GMDS: variants seen among roughly 807,000 people sequenced by gnomAD.
The protein encoded by GMDS is GDP-mannose 4,6-dehydratase.
GMDS carries 20 observed loss-of-function variants against 49.9 expected under a neutral mutation model. The observed-to-expected ratio is 0.40, with a 90% CI of 0.28 to 0.58. The LOEUF is 0.58. Ranked by LOEUF, GMDS falls within the 20% of genes least tolerant of loss-of-function variation. The pLI is 0.42. For missense variants in GMDS, 362 were observed against 481.4 expected (o/e 0.75, Z 2.32); for synonymous variants, 177 against 178.6 (o/e 0.99, Z 0.07).
intron 7 of GMDS, among the ~76,000 whole-genome samples, chr6:1,851,595 AGGGGACTGTGTTTGCG>A (rs1172853634): frequency 6.6e-6 from 1 of 152,208 alleles, no homozygotes; most frequent in Admixed American, 6.5e-5. Flanking sequence ...ACATTTAATA[AGGGGACTGTGTTTGCG>A]GGGCTATAAA....
intron 4 of GMDS, among the ~76,000 whole-genome samples, chr6:2,045,029 G>C (rs1403369965): frequency 1.3e-5 from 2 of 152,024 alleles, no homozygotes; most frequent in South Asian, 2.1e-4. Context: ...TGAAGAAAAA[G>C]AGCCTTTCAG....
At position 1,774,937 on chromosome 6, in the gene GMDS, G is replaced by T. The variant is rs6916299; in HGVS notation, c.772-32351C>A. Among the ~76,000 whole-genome samples the T allele has an allele frequency of 8.0e-4, 122 of 152,278 alleles. 1 individual carries two copies. The highest frequency in any genetic ancestry group is 2.8e-3 in the African/African-American group (115 of 41,538). On this transcript the variant is annotated intron_variant, in intron 7 of 10. Coordinates refer to ENST00000380815, the MANE Select transcript of GMDS (RefSeq NM_001500.4). The stretch of plus-strand genomic sequence containing the variant: ...GACTAGCGAGGAATGTCCATTCCAG[G>T]GGGAGTTGAAGGGGATGAGAAATTT...
intron 4 of GMDS, among the ~76,000 whole-genome samples, chr6:1,982,865 A>G (rs1285901349): frequency 6.6e-6 from 1 of 152,242 alleles, no homozygotes; most frequent in Non-Finnish European, 1.5e-5. Context: ...TAATGGAATT[A>G]GAAAAAGACT....
chr6:2,214,885 T>G (rs1209670823), intron 1 of GMDS, among the ~76,000 whole-genome samples: 3 of 152,174 alleles, frequency 2.0e-5, no homozygotes, highest in African/African-American at 7.2e-5. Flanking sequence ...TATCACAACT[T>G]TGCAACTTCT....
At chr6:1,961,556 G>A (rs776432125) in intron 4 of GMDS, among the ~76,000 whole-genome samples, 1 of 152,132 alleles carries the variant, frequency 6.6e-6, no homozygotes, top group South Asian at 2.1e-4. Flanking sequence ...ATTTCTAAGC[G>A]AATGCTGAGG....
At chr6:1,641,906 C>A (rs1043221267) in intron 9 of GMDS, among the ~76,000 whole-genome samples, 1 of 152,156 alleles carries the variant, frequency 6.6e-6, no homozygotes, top group Non-Finnish European at 1.5e-5. Context: ...CCCAACAACT[C>A]GGCACACTTC....
chr6:1,676,333 A>C (rs1156816622), intron 9 of GMDS, among the ~76,000 whole-genome samples: 1 of 152,248 alleles, frequency 6.6e-6, no homozygotes, highest in Non-Finnish European at 1.5e-5. Context: ...GGAAGAATCA[A>C]TATCGTGAAA....
chr6:2,241,974 C>G (rs1781635110), intron 1 of GMDS, among the ~76,000 whole-genome samples: 1 of 152,146 alleles, frequency 6.6e-6, no homozygotes, highest in African/African-American at 2.4e-5. Flanking sequence ...AGTTTTGAAA[C>G]CCCACTAGAT....
intron 7 of GMDS, among the ~76,000 whole-genome samples, chr6:1,852,692 C>T (rs146573795): frequency 3.3e-5 from 5 of 151,594 alleles, no homozygotes; most frequent in South Asian, 2.1e-4. Context: ...GGTGGAAGGA[C>T]GGTGGGACGT....
chr6:1,928,586 A>G (rs1293584277), intron 7 of GMDS, among the ~76,000 whole-genome samples: 1 of 152,198 alleles, frequency 6.6e-6, no homozygotes, highest in Non-Finnish European at 1.5e-5. Context: ...GCGTGAACCT[A>G]TATATTTTTT....
chr6:1,922,166 G>A (rs918875537), intron 7 of GMDS, among the ~76,000 whole-genome samples: 5 of 152,144 alleles, frequency 3.3e-5, no homozygotes, highest in African/African-American at 7.2e-5. Flanking sequence ...TCCTCTGCAC[G>A]TAGTTACACA....
At chr6:1,811,677 C>T (rs1258131780) in intron 7 of GMDS, among the ~76,000 whole-genome samples, 2 of 151,568 alleles carry the variant, frequency 1.3e-5, no homozygotes, top group African/African-American at 2.4e-5. Flanking sequence ...AACCTTCGTG[C>T]CTCACTGAAA....
At chr6:2,195,477 T>C (rs1779236561) in intron 1 of GMDS, among the ~76,000 whole-genome samples, 1 of 152,216 alleles carries the variant, frequency 6.6e-6, no homozygotes, top group African/African-American at 2.4e-5. Context: ...ATATATATTC[T>C]AAAGTAAAGC....
chr6:1,750,547 C>T (rs929508819), intron 7 of GMDS, among the ~76,000 whole-genome samples: 8 of 152,150 alleles, frequency 5.3e-5, no homozygotes, highest in African/African-American at 1.7e-4. Flanking sequence ...CTGTGGATTC[C>T]GGCCCAGATA....
intron 9 of GMDS, among the ~76,000 whole-genome samples, chr6:1,633,630 G>A (rs1471608329): frequency 2.6e-5 from 4 of 152,308 alleles, no homozygotes; most frequent in Middle Eastern, 6.8e-3. Context: ...TGCACGGGCC[G>A]GTCACAGAAA....
chr6:1,940,379 C>A (rs936928982), intron 6 of GMDS, among the ~76,000 whole-genome samples: 1 of 152,200 alleles, frequency 6.6e-6, no homozygotes, highest in Non-Finnish European at 1.5e-5. Flanking sequence ...AGAAATCATT[C>A]CAATTTATCC....
At chr6:2,071,218 A>G (rs1032292833) in intron 4 of GMDS, among the ~76,000 whole-genome samples, 2 of 152,230 alleles carry the variant, frequency 1.3e-5, no homozygotes, top group East Asian at 3.8e-4. Context: ...ATTCCCTGTT[A>G]AATTACCTAC....
Position 1,778,859 on chromosome 6 carries a change from T to C in GMDS, c.772-36273A>G, listed in dbSNP as rs148069986. On this transcript the variant is annotated intron_variant, in intron 7 of 10. Coordinates refer to ENST00000380815, the MANE Select transcript of GMDS (RefSeq NM_001500.4). This position sits in a 1 kb window ranked among gnomAD's most constrained non-coding sequence, Gnocchi z 4.6. The stretch of plus-strand genomic sequence containing the variant: ...TGCATTTTCTTGTTTTTTTTTTCTC[T>C]TATAGCAGAAATACGCCTGAAAATG... 8.7e-4 allele frequency among the ~76,000 whole-genome samples: 133 copies of C among 152,156 alleles called. 1 individual carries two copies. In the East Asian group the frequency reaches 0.017, roughly 20 times the overall value.
intron 6 of GMDS, chr6:1,952,215 T>C (rs188127852): frequency 6.5e-6 from 1 of 153,602 alleles, no homozygotes; most frequent in African/African-American, 2.4e-5. Flanking sequence ...AGGTGGATGT[T>C]AACTGGCTGC....
Sources: gnomAD v4.1 joint callset for allele counts (sites outside exome capture counted in the v4.1 genomes callset) on GRCh38, gnomAD v4.1.1 for gene constraint, Gnocchi (gnomAD v3.1) non-coding constraint, MANE v1.5 for transcripts, NCBI Gene and HGNC (gene_info 2026-07-23, HGNC 2026-07-21) for gene names.